The following IGSF21 variants were observed in gnomAD, a reference collection of about 807,000 sequenced individuals.
IGSF21 encodes the protein immunoglobulin superfamily member 21.
A neutral mutation model predicts 46.8 loss-of-function variants in IGSF21; 28 were observed. The ratio of observed to expected loss-of-function variants is 0.60; its 90% confidence interval spans 0.44 to 0.82. The LOEUF (loss-of-function observed/expected upper bound fraction) is 0.82. Ranked by LOEUF, IGSF21 falls within the 40% of genes least tolerant of loss-of-function variation. The pLI, the probability that IGSF21 is intolerant of heterozygous loss-of-function variation, is 0.00. For missense variants in IGSF21, 624 were observed against 665.5 expected (o/e 0.94, Z 0.69); for synonymous variants, 284 against 273.6 (o/e 1.04, Z -0.38).
intron 1 of IGSF21, among the ~76,000 whole-genome samples, chr1:18,183,539 T>G (rs9728569): frequency 0.53 from 80,457 of 152,142 alleles, 22,772 homozygotes; most frequent in East Asian, 0.82. Context: ...AGGTCATGGA[T>G]AGCCTTGAGC....
At chr1:18,210,347 A>G (rs2124490200) in intron 1 of IGSF21, among the ~76,000 whole-genome samples, 2 of 152,364 alleles carry the variant, frequency 1.3e-5, no homozygotes, top group East Asian at 1.9e-4. Context: ...GGACTTTCTC[A>G]TAGGATTTTT....
chr1:18,243,758 T>C (rs1037000334), intron 2 of IGSF21, among the ~76,000 whole-genome samples: 10 of 152,180 alleles, frequency 6.6e-5, no homozygotes, highest in African/African-American at 1.7e-4. Flanking sequence ...AGATCCACGA[T>C]GTGCAGGCCC....
intron 1 of IGSF21, among the ~76,000 whole-genome samples, chr1:18,191,130 C>T (rs1056749595): frequency 6.6e-6 from 1 of 152,190 alleles, no homozygotes; most frequent in Non-Finnish European, 1.5e-5. Flanking sequence ...ATGTCAGTGG[C>T]CCCCTCACCC....
At chr1:18,165,691 T>C (rs1463033831) in intron 1 of IGSF21, among the ~76,000 whole-genome samples, 1 of 152,232 alleles carries the variant, frequency 6.6e-6, no homozygotes, top group Non-Finnish European at 1.5e-5. Flanking sequence ...CATCCTTAAA[T>C]ATCTGCTAGC....
Position 18,335,037 on chromosome 1 carries a change from TG to T in IGSF21, c.424+28del, listed in dbSNP as rs753069541. 1 of 1,544,552 alleles carries T rather than the reference TG, an allele frequency of 6.5e-7. No individual in the cohort carries two copies. Among genetic ancestry groups the T allele is most frequent in the Non-Finnish European group, 9.0e-7 (1 of 1,116,704 alleles). ...TGAGTGCAGGGCCACTGGCCCCTGG[TG>T]TCTCAGTGAGGAGGACGAGTATGCT... On this transcript the variant is annotated intron_variant, in intron 4 of 9. Transcript: ENST00000251296. This position sits in a 1 kb window ranked among gnomAD's most constrained non-coding sequence, Gnocchi z 4.8.
At chr1:18,273,800 G>A (rs939990697) in intron 2 of IGSF21, among the ~76,000 whole-genome samples, 1 of 152,020 alleles carries the variant, frequency 6.6e-6, no homozygotes, top group Non-Finnish European at 1.5e-5. Context: ...TGCAGACGAG[G>A]TGGGAGGGAA....
chr1:18,345,196 T>G (rs536697109), intron 4 of IGSF21, among the ~76,000 whole-genome samples: 1 of 152,136 alleles, frequency 6.6e-6, no homozygotes, highest in South Asian at 2.1e-4. Flanking sequence ...CCCTCCAAAC[T>G]AGAAAAGGTG....
At chr1:18,222,314 G>C (rs967052690) in intron 1 of IGSF21, among the ~76,000 whole-genome samples, 7 of 152,164 alleles carry the variant, frequency 4.6e-5, no homozygotes, top group South Asian at 4.1e-4. Context: ...GAGATGTCTG[G>C]CTGAGCTAGT....
chr1:18,271,427 T>C (rs2085041542), intron 2 of IGSF21, among the ~76,000 whole-genome samples: 1 of 152,164 alleles, frequency 6.6e-6, no homozygotes, highest in African/African-American at 2.4e-5. Flanking sequence ...CTCAGTGTGG[T>C]TTGTCTAAAC....
intron 2 of IGSF21, among the ~76,000 whole-genome samples, chr1:18,262,906 A>G (rs1009115644): frequency 6.6e-6 from 1 of 152,172 alleles, no homozygotes; most frequent in African/African-American, 2.4e-5. Flanking sequence ...GCAACTGCAC[A>G]CTGAATGCCG....
intron 2 of IGSF21, among the ~76,000 whole-genome samples, chr1:18,244,336 C>T (rs1418979431): frequency 6.6e-6 from 1 of 152,228 alleles, no homozygotes; most frequent in Admixed American, 6.5e-5. Context: ...AATTCACCTC[C>T]CTCTCCCTTT....
chr1:18,243,326 G>C (rs996490064), intron 2 of IGSF21, among the ~76,000 whole-genome samples: 3 of 152,198 alleles, frequency 2.0e-5, no homozygotes, highest in African/African-American at 7.2e-5. Flanking sequence ...AGTTTCCGAA[G>C]CGAAAAATCT....
chr1:18,317,148 G>A (rs901631876), intron 3 of IGSF21, among the ~76,000 whole-genome samples: 1 of 152,196 alleles, frequency 6.6e-6, no homozygotes, highest in Non-Finnish European at 1.5e-5. Context: ...TGTGGATCAA[G>A]TGCTTAGAAC....
At chr1:18,328,874 A>G (rs1033848728) in intron 3 of IGSF21, among the ~76,000 whole-genome samples, 8 of 152,206 alleles carry the variant, frequency 5.3e-5, no homozygotes, top group African/African-American at 1.9e-4. Context: ...AGCTAAGCAG[A>G]GGCTGTAAAC....
intron 3 of IGSF21, among the ~76,000 whole-genome samples, chr1:18,319,521 A>C (rs1485557803): frequency 6.6e-6 from 1 of 152,214 alleles, no homozygotes; most frequent in Non-Finnish European, 1.5e-5. Flanking sequence ...GTGAAGATGA[A>C]ACTTTGTCTT....
chr1:18,362,246 G>A lies in IGSF21; in HGVS notation c.540+16G>A, dbSNP rs1482096133. On this transcript the variant is annotated intron_variant, in intron 5 of 9. Transcript: ENST00000251296. ...AGCACCCATGGTGAGTACCCCTGGA[G>A]TGCCCAGCTCCTTCCTATCTGCCGG... The A allele has an allele frequency of 6.4e-7, 1 of 1,570,074 alleles. No homozygotes were observed. Among genetic ancestry groups the A allele is most frequent in the Non-Finnish European group, 8.7e-7 (1 of 1,145,494 alleles).
intron 2 of IGSF21, among the ~76,000 whole-genome samples, chr1:18,258,955 G>A (rs1400144014): frequency 6.6e-6 from 1 of 152,198 alleles, no homozygotes; most frequent in African/African-American, 2.4e-5. Flanking sequence ...ACAGAACCAG[G>A]CAAGGAGCCA....
intron 5 of IGSF21, among the ~76,000 whole-genome samples, chr1:18,364,024 A>C (rs12129630): frequency 0.12 from 17,873 of 152,128 alleles, 1,071 homozygotes; most frequent in East Asian, 0.18. Flanking sequence ...ACAGAGAAAA[A>C]GTCCTTTCCT....
intron 1 of IGSF21, among the ~76,000 whole-genome samples, chr1:18,207,581 TA>T (rs1428307649): frequency 6.6e-6 from 1 of 152,254 alleles, no homozygotes; most frequent in Non-Finnish European, 1.5e-5. Flanking sequence ...GAGCATTTAT[TA>T]AGCACTTCTG....
Sources: allele counts gnomAD v4.1 joint callset (sites outside exome capture counted in the v4.1 genomes callset), GRCh38; gene constraint gnomAD v4.1.1; non-coding constraint Gnocchi (gnomAD v3.1); transcripts MANE v1.5; gene names NCBI Gene and HGNC (gene_info 2026-07-23, HGNC 2026-07-21).